The following GLRA3 variants were observed in gnomAD, a reference collection of about 807,000 sequenced individuals.
The protein encoded by GLRA3 is glycine receptor subunit alpha-3.
In GLRA3, 44 loss-of-function variants were observed where a neutral mutation model predicts 60.4. The observed-to-expected ratio is 0.73, with a 90% CI of 0.57 to 0.94. GLRA3 has a LOEUF of 0.94. Ranked by LOEUF, GLRA3 falls within the 40% of genes least tolerant of loss-of-function variation. GLRA3 has a pLI of 0.00. For missense variants in GLRA3, 508 were observed against 564.6 expected (o/e 0.90, Z 1.02); for synonymous variants, 223 against 192.9 (o/e 1.16, Z -1.29).
intron 3 of GLRA3, among the ~76,000 whole-genome samples, chr4:174,737,596 C>T (rs1338986628): frequency 6.6e-6 from 1 of 152,026 alleles, no homozygotes; most frequent in Non-Finnish European, 1.5e-5. Context: ...TCACTGTGAC[C>T]TCTGCCACCT....
At chr4:174,741,126 A>G (rs62333575) in intron 3 of GLRA3, among the ~76,000 whole-genome samples, 1,734 of 152,262 alleles carry the variant, frequency 0.011, 12 homozygotes, top group Non-Finnish European at 0.017. Flanking sequence ...TATTAAGTGC[A>G]TGTTTACATT....
intron 3 of GLRA3, among the ~76,000 whole-genome samples, chr4:174,739,917 T>A (rs538951305): frequency 5.1e-4 from 77 of 152,276 alleles, no homozygotes; most frequent in Middle Eastern, 6.8e-3. Context: ...TATGAACCAG[T>A]GACTACAATG....
At chr4:174,823,243 CA>C (rs557318332) in intron 1 of GLRA3, among the ~76,000 whole-genome samples, 41 of 66,964 alleles carry the variant, frequency 6.1e-4, no homozygotes, top group South Asian at 2.2e-3. Context: ...AACTAAAACT[CA>C]AAAAAAAAAT....
In GLRA3 at chr4:174,639,359, T is replaced by G; in HGVS notation, c.*4427A>C. ...TTTAATCTAAAGGAATTCATCTCATTACCAATATGTGTATGTGTGTGTGTG... is the reference window on the plus strand; with the variant it reads ...TTTAATCTAAAGGAATTCATCTCATGACCAATATGTGTATGTGTGTGTGTG... On this transcript the variant is annotated 3_prime_UTR_variant, in exon 10 of 10. Coordinates refer to ENST00000274093, the MANE Select transcript of GLRA3 (RefSeq NM_006529.4). The G allele has an allele frequency of 7.1e-6, 1 of 140,946 alleles. No homozygotes were observed. The highest frequency in any genetic ancestry group is 1.5e-5 in the Non-Finnish European group (1 of 65,434). 8.7% of individuals were successfully genotyped at this position (140,946 alleles called of 1,614,324 possible).
At chr4:174,681,554 T>A (rs936514295) in intron 6 of GLRA3, among the ~76,000 whole-genome samples, 1 of 152,058 alleles carries the variant, frequency 6.6e-6, no homozygotes, top group East Asian at 1.9e-4. Context: ...AAATGATGCA[T>A]CTGCAAGCTG....
At chr4:174,806,359 C>T (rs887334934) in intron 1 of GLRA3, among the ~76,000 whole-genome samples, 6 of 152,000 alleles carry the variant, frequency 3.9e-5, no homozygotes, top group Admixed American at 6.6e-5. Context: ...GCAGAATGTT[C>T]TATAAGACAT....
intron 6 of GLRA3, among the ~76,000 whole-genome samples, chr4:174,679,127 G>C (rs1175940389): frequency 6.6e-6 from 1 of 151,938 alleles, no homozygotes; most frequent in African/African-American, 2.4e-5. Context: ...GTCAGGAGAT[G>C]GAGACCAACC....
chr4:174,644,175 G>A (rs779025643), intron 9 of GLRA3, 111 bp from the exon 10 acceptor site: 2 of 680,586 alleles, frequency 2.9e-6, no homozygotes, highest in Non-Finnish European at 2.6e-6. Context: ...ATTAATATAA[G>A]GAAAAGATAA....
intron 1 of GLRA3, among the ~76,000 whole-genome samples, chr4:174,807,114 G>A (rs1278603536): frequency 1.3e-5 from 2 of 152,000 alleles, no homozygotes; most frequent in Admixed American, 6.6e-5. Flanking sequence ...TCTTTACTGA[G>A]CTGAGTGTGA....
At position 174,719,137 on chromosome 4, in the gene GLRA3, G is replaced by T. The variant is rs549600232; in HGVS notation, c.492-3567C>A. Reference sequence around the variant, plus strand: ...CGCCACCTCGCCCGGCTAATTTTTTGTATTTTTAGTAGAGACGGGGTTTCA... The same window carrying T: ...CGCCACCTCGCCCGGCTAATTTTTTTTATTTTTAGTAGAGACGGGGTTTCA... On this transcript the variant is annotated intron_variant, in intron 4 of 9. Coordinates refer to ENST00000274093, the MANE Select transcript of GLRA3 (RefSeq NM_006529.4). Among the ~76,000 whole-genome samples, 124 of 151,266 alleles carry T rather than the reference G, an allele frequency of 8.2e-4. 2 individuals are homozygous for T. The South Asian group carries it at 0.015, about 19-fold the overall frequency.
In GLRA3 at chr4:174,641,804, GA is replaced by G. The variant is rs1732631167; in HGVS notation, c.*1981del. Reference sequence around the variant, plus strand: ...TTTGAAATAAGATGTGGAAAGTATAGAAAAACGTATTCAGGTATTTCAGAGA... The same window carrying G: ...TTTGAAATAAGATGTGGAAAGTATAGAAAACGTATTCAGGTATTTCAGAGA... On this transcript the variant is annotated 3_prime_UTR_variant, in exon 10 of 10. Coordinates refer to ENST00000274093, the MANE Select transcript of GLRA3 (RefSeq NM_006529.4). 6.6e-6 allele frequency: 1 copy of G among 151,982 alleles called. No homozygotes were observed. The highest frequency in any genetic ancestry group is 2.4e-5 in the African/African-American group (1 of 41,434). The allele number at this position is 151,982 out of a possible 1,614,324, so 9.4% of individuals were successfully genotyped here.
intron 3 of GLRA3, among the ~76,000 whole-genome samples, chr4:174,739,273 T>C (rs1461471025): frequency 6.6e-6 from 1 of 152,144 alleles, no homozygotes; most frequent in Non-Finnish European, 1.5e-5. Context: ...GAAATTCTTA[T>C]TAGAGGAGAG....
chr4:174,715,388 G>T lies in GLRA3; in HGVS notation c.574+100C>A. 4.6e-6 allele frequency: 3 copies of T among 658,800 alleles called. No individual in the cohort carries two copies. In the South Asian group the frequency reaches 5.6e-5, roughly 12 times the overall value. The allele number at this position is 658,800 out of a possible 1,614,324, so 40.8% of individuals were successfully genotyped here. A position where few individuals can be genotyped will look rare whatever the true frequency, so the allele number is the denominator to read the frequency against. The stretch of plus-strand genomic sequence containing the variant: ...TTACATGCCTATTCAGTAAATATGT[G>T]ACCAAAATGATTACAAAATAAATTA... On this transcript the variant is annotated intron_variant, in intron 5 of 9. Transcript: ENST00000274093.
Position 174,669,933 on chromosome 4 carries a change from T to C in GLRA3, c.927+7145A>G, listed in dbSNP as rs149169858. On this transcript the variant is annotated intron_variant, in intron 7 of 9. Coordinates refer to ENST00000274093, the MANE Select transcript of GLRA3 (RefSeq NM_006529.4). Reference sequence around the variant, plus strand: ...ATCACATAATAACAAAACTTCATTGTTTCCAAAGAGGTGAATTTAACCAAT... The same window carrying C: ...ATCACATAATAACAAAACTTCATTGCTTCCAAAGAGGTGAATTTAACCAAT... Among the ~76,000 whole-genome samples the C allele has an allele frequency of 8.1e-3, 1,230 of 152,308 alleles. 16 individuals carry two copies. The highest frequency in any genetic ancestry group is 0.027 in the African/African-American group (1,112 of 41,568).
intron 7 of GLRA3, among the ~76,000 whole-genome samples, chr4:174,672,691 T>C (rs777587761): frequency 6.6e-5 from 10 of 152,164 alleles, no homozygotes; most frequent in Non-Finnish European, 1.0e-4. Flanking sequence ...GCAGAAGAGA[T>C]ACAGGCACCT....
In GLRA3 at chr4:174,642,742, T is replaced by C; in HGVS notation, c.*1044A>G. 1.4e-6 allele frequency: 1 copy of C among 737,124 alleles called. No homozygotes were observed. The highest frequency in any genetic ancestry group is 1.7e-6 in the Non-Finnish European group (1 of 603,818). The allele number at this position is 737,124 out of a possible 1,614,324, so 45.7% of individuals were successfully genotyped here. ...ATTTAAAATTAAAACTTTCCCTACTTATATTTGGAGATAGGAGTTGAGACC... is the reference window on the plus strand; with the variant it reads ...ATTTAAAATTAAAACTTTCCCTACTCATATTTGGAGATAGGAGTTGAGACC... On this transcript the variant is annotated 3_prime_UTR_variant, in exon 10 of 10. Transcript: ENST00000274093.
At chr4:174,666,030 T>G (rs1733653011) in intron 7 of GLRA3, among the ~76,000 whole-genome samples, 1 of 152,160 alleles carries the variant, frequency 6.6e-6, no homozygotes, top group Non-Finnish European at 1.5e-5. Context: ...GCTACCAAGT[T>G]GCAAAACTAG....
chr4:174,648,711 T>G (rs1485032102), intron 9 of GLRA3, among the ~76,000 whole-genome samples: 3 of 152,104 alleles, frequency 2.0e-5, no homozygotes, highest in Non-Finnish European at 4.4e-5. Flanking sequence ...GAGGGTGTTT[T>G]GATTCATGGG....
chr4:174,659,175 T>C lies in GLRA3; in HGVS notation c.950A>G (p.Asp317Gly). 6.2e-7 allele frequency: 1 copy of C among 1,612,200 alleles called. No individual in the cohort carries two copies. Among genetic ancestry groups the C allele is most frequent in the Non-Finnish European group, 8.5e-7 (1 of 1,178,916 alleles). Residue 317 changes from aspartate to glycine, a missense_variant, in exon 8 of 10, where the codon GAT (aspartate) becomes GGT (glycine). Coordinates refer to ENST00000274093, the MANE Select transcript of GLRA3 (RefSeq NM_006529.4). The part of the protein sequence containing the change: ...LPKVSYVKAI[D>G]IWMAVCLLFV... Reference sequence around the variant, plus strand: ...AAGGAGGCATACTGCCATCCAAATATCAATAGCTTTGACATATGAAACCTA... The same window carrying C: ...AAGGAGGCATACTGCCATCCAAATACCAATAGCTTTGACATATGAAACCTA...
Sources: gnomAD v4.1 joint callset for allele counts (sites outside exome capture counted in the v4.1 genomes callset) on GRCh38, gnomAD v4.1.1 for gene constraint, MANE v1.5 for transcripts, NCBI Gene and HGNC (gene_info 2026-07-23, HGNC 2026-07-21) for gene names.